Variants in TRIM37 observed in about 807,000 individuals in gnomAD.
TRIM37 encodes E3 ubiquitin-protein ligase TRIM37.
In TRIM37, 80 loss-of-function variants were observed where a neutral mutation model predicts 129.8. The observed-to-expected ratio is 0.62, with a 90% CI of 0.51 to 0.74. The LOEUF (loss-of-function observed/expected upper bound fraction) is 0.74, where lower values mean the gene tolerates loss of function less well. Ranked by LOEUF, TRIM37 falls within the 30% of genes least tolerant of loss-of-function variation. The probability of loss-of-function intolerance (pLI) is 0.00; values close to 1 mark genes in which losing one functional copy is unlikely to be tolerated. For synonymous variants in TRIM37, 389 were observed against 387.1 expected (o/e 1.00, Z -0.06); for missense variants, 1,054 against 1,176.5 (o/e 0.90, Z 1.52).
chr17:59,051,369 G>C (rs1489854533), intron 13 of TRIM37, 41 bp from the exon 14 acceptor site: 1 of 1,388,074 alleles, frequency 7.2e-7, no homozygotes, highest in Admixed American at 1.7e-5. Flanking sequence ...AATTCAAATA[G>C]TAAAACATTA....
At chr17:58,973,883 C>T in the TRIM37 span, among the ~76,000 whole-genome samples, 6 of 127,866 alleles carry the variant, frequency 4.7e-5, no homozygotes, top group East Asian at 2.5e-4. Context: ...ATCTGGGAGG[C>T]GGAGGTTGCA....
At chr17:59,096,232 C>T (rs1333371019) in intron 2 of TRIM37, among the ~76,000 whole-genome samples, 1 of 151,610 alleles carries the variant, frequency 6.6e-6, no homozygotes, top group Admixed American at 6.6e-5. Context: ...GTTAGTGTAA[C>T]AGGAGACCAA....
chr17:58,990,110 T>C (rs949754026), intron 24 of TRIM37, among the ~76,000 whole-genome samples: 1 of 125,010 alleles, frequency 8.0e-6, no homozygotes, highest in African/African-American at 3.1e-5. Context: ...CCCAGGAGGG[T>C]TGAGGCTGCA....
At chr17:59,043,463 GA>G in intron 16 of TRIM37, among the ~76,000 whole-genome samples, 1 of 152,190 alleles carries the variant, frequency 6.6e-6, no homozygotes, top group South Asian at 2.1e-4. Context: ...TGGTGTTACA[GA>G]AATTCCACTC....
At chr17:59,071,413 A>ATAGCTGGGATTACAGGTGGGT (rs2042354577) in intron 8 of TRIM37, among the ~76,000 whole-genome samples, 1 of 151,406 alleles carries the variant, frequency 6.6e-6, no homozygotes, top group East Asian at 1.9e-4. Flanking sequence ...AGCCTCCTGA[A>ATAGCTGGGATTACAGGTGGGT]TAGCTGGGAT....
intron 11 of TRIM37, among the ~76,000 whole-genome samples, chr17:59,061,452 T>G (rs1476661189): frequency 6.6e-6 from 1 of 151,834 alleles, no homozygotes; most frequent in Non-Finnish European, 1.5e-5. Flanking sequence ...AAAAAAAAAT[T>G]TTAAACCAAA....
chr17:58,985,452 A>G lies in TRIM37; in HGVS notation c.2892-2531T>C, dbSNP rs189813057. Among the ~76,000 whole-genome samples the G allele has an allele frequency of 1.8e-4, 28 of 152,340 alleles. No individual in the cohort carries two copies. The East Asian group carries it at 4.6e-3, about 25-fold the overall frequency. On this transcript the variant is annotated intron_variant, in intron 24 of 24. Coordinates refer to the TRIM37 transcript ENST00000393066. ...AAAGAAAAGAGGAACCCGACCTGCC[A>G]AGGACTAAGCGGTGGTCATCAAATC...
intron 2 of TRIM37, among the ~76,000 whole-genome samples, chr17:59,093,098 C>T (rs1001331526): frequency 4.0e-5 from 6 of 151,848 alleles, no homozygotes; most frequent in African/African-American, 1.5e-4. Context: ...TGCAGGGAGC[C>T]GAGACAGCGC....
chr17:59,035,209 G>A (rs1179124771), intron 17 of TRIM37, among the ~76,000 whole-genome samples: 5 of 151,800 alleles, frequency 3.3e-5, no homozygotes, highest in South Asian at 2.1e-4. Flanking sequence ...ACAAGCGTGC[G>A]CCATTGCACC....
chr17:59,041,791 G>A lies in TRIM37; in HGVS notation c.1753+22C>T, dbSNP rs368085044. 3.2e-6 allele frequency: 5 copies of A among 1,576,520 alleles called. No homozygotes were observed. The African/African-American group carries it at 6.7e-5, about 21-fold the overall frequency. ...CAGAGAGAAAACAGAATGGCTTGGA[G>A]GCAGTGGAGTGACCTCATTACCTGC... On this transcript the variant is annotated intron_variant, in intron 17 of 23. Transcript: ENST00000262294.
chr17:59,017,159 G>T (rs887635138), intron 20 of TRIM37, 137 bp downstream of exon 20: 15 of 1,156,972 alleles, frequency 1.3e-5, no homozygotes, highest in Non-Finnish European at 1.8e-5. Context: ...GTGAGACCCT[G>T]TTTCAAAAAA....
At chr17:59,025,428 AT>A (rs755717955) in intron 19 of TRIM37, among the ~76,000 whole-genome samples, 2 of 151,426 alleles carry the variant, frequency 1.3e-5, no homozygotes, top group Non-Finnish European at 2.9e-5. Context: ...AATGTTAATT[AT>A]ATTATTAATA....
At chr17:58,969,599 A>C in the TRIM37 span, 1 of 1,614,108 alleles carries the variant, frequency 6.2e-7, no homozygotes. Flanking sequence ...AGATGCTGCT[A>C]TTTATGCCTC....
chr17:59,045,030 G>C (rs79071116), intron 16 of TRIM37, among the ~76,000 whole-genome samples: 6 of 150,324 alleles, frequency 4.0e-5, no homozygotes, highest in Non-Finnish European at 7.4e-5. Flanking sequence ...GATTCTCTTA[G>C]GAAAAAAAAA....
intron 16 of TRIM37, among the ~76,000 whole-genome samples, chr17:59,042,781 C>CAGGAA (rs1296574924): frequency 2.0e-5 from 3 of 148,444 alleles, no homozygotes; most frequent in East Asian, 2.0e-4. Context: ...CAGGACAGGA[C>CAGGAA]AGGAAAGGAA....
At chr17:59,094,178 A>G (rs778983573) in intron 2 of TRIM37, among the ~76,000 whole-genome samples, 2 of 152,074 alleles carry the variant, frequency 1.3e-5, no homozygotes, top group East Asian at 1.9e-4. Flanking sequence ...ACAGGCATAC[A>G]GGCATGAAAT....
At chr17:59,046,083 C>G (rs2039768121) in intron 16 of TRIM37, among the ~76,000 whole-genome samples, 1 of 151,950 alleles carries the variant, frequency 6.6e-6, no homozygotes, top group East Asian at 1.9e-4. Context: ...GAAGGAAAAG[C>G]TCTTCCTTAA....
At chr17:58,975,341 C>T in the TRIM37 span, among the ~76,000 whole-genome samples, 3 of 152,172 alleles carry the variant, frequency 2.0e-5, no homozygotes, top group African/African-American at 7.2e-5. Flanking sequence ...GGAAGAATGT[C>T]CCTTAATAAG....
intron 9 of TRIM37, among the ~76,000 whole-genome samples, chr17:59,067,818 G>A (rs2042036890): frequency 6.9e-6 from 1 of 144,164 alleles, no homozygotes; most frequent in Non-Finnish European, 1.6e-5. Flanking sequence ...TTACAGGCAT[G>A]AGCCACCGCG....
Sources: gnomAD v4.1 joint callset for allele counts (sites outside exome capture counted in the v4.1 genomes callset) on GRCh38, gnomAD v4.1.1 for gene constraint, MANE v1.5 for transcripts, NCBI Gene and HGNC (gene_info 2026-07-23, HGNC 2026-07-21) for gene names.